Variants in PDE11A observed in about 807,000 individuals in gnomAD.
PDE11A encodes the protein phosphodiesterase 11A.
Under a neutral mutation model 100.5 loss-of-function variants are expected in PDE11A, and 100 were observed. The observed-to-expected ratio is 1.00, with a 90% CI of 0.85 to 1.18. The LOEUF (loss-of-function observed/expected upper bound fraction) is 1.18. Among genes scored for constraint, PDE11A ranks in the 50% most tolerant of loss-of-function variants. The pLI is 0.00. For missense variants in PDE11A, 1,141 were observed against 1,152.6 expected, an observed-to-expected ratio of 0.99 and a Z score of 0.15; for synonymous variants, 381 against 420.8, an observed-to-expected ratio of 0.91 and a Z score of 1.16.
chr2:177,934,136 T>C (rs554311745), intron 2 of PDE11A, among the ~76,000 whole-genome samples: 19 of 152,198 alleles, frequency 1.2e-4, no homozygotes, highest in African/African-American at 4.3e-4. Context: ...AATTGACAAA[T>C]GGGATCTTAT....
chr2:177,706,842 G>A (rs1273870828), intron 13 of PDE11A, among the ~76,000 whole-genome samples: 1 of 152,014 alleles, frequency 6.6e-6, no homozygotes, highest in Non-Finnish European at 1.5e-5. Flanking sequence ...TCATATGTGT[G>A]AATGTTGTTC....
At chr2:177,916,799 G>A (rs75468827) in intron 2 of PDE11A, among the ~76,000 whole-genome samples, 1,732 of 151,176 alleles carry the variant, frequency 0.011, 27 homozygotes, top group East Asian at 0.074. Context: ...TTGCTCTGTC[G>A]CCAGGGCTGG....
At chr2:178,009,636 T>C (rs1395554884) in intron 2 of PDE11A, among the ~76,000 whole-genome samples, 2 of 152,148 alleles carry the variant, frequency 1.3e-5, no homozygotes, top group Non-Finnish European at 2.9e-5. Context: ...GACTTGGTGA[T>C]TTTTCCAGTC....
intron 10 of PDE11A, among the ~76,000 whole-genome samples, chr2:177,767,111 C>G (rs1156533007): frequency 6.6e-6 from 1 of 152,080 alleles, no homozygotes; most frequent in Non-Finnish European, 1.5e-5. Flanking sequence ...GCAGGCAGAC[C>G]ACAAGGTCAG....
chr2:178,014,129 T>C (rs1227122782), intron 2 of PDE11A, among the ~76,000 whole-genome samples, 173 bp downstream of exon 2: 1 of 152,208 alleles, frequency 6.6e-6, no homozygotes, highest in Non-Finnish European at 1.5e-5. Context: ...TTTTACCACA[T>C]TCTATGAAAT....
intron 19 of PDE11A, among the ~76,000 whole-genome samples, chr2:177,644,768 C>T (rs113426743): frequency 0.018 from 2,794 of 152,266 alleles, 31 homozygotes; most frequent in South Asian, 0.03. Flanking sequence ...TCCCACATGT[C>T]GTAGGAGGAA....
intron 15 of PDE11A, chr2:177,687,818 C>A (rs1377814057): frequency 6.6e-6 from 1 of 152,142 alleles, no homozygotes. Flanking sequence ...CCTATTAATT[C>A]TCTCATTTTA....
In PDE11A at chr2:177,623,299, C is replaced by T. The variant is rs889006766; in HGVS notation, c.*6108G>A. The stretch of plus-strand genomic sequence containing the variant: ...ACAAAGATATTCAGGTCTCTTAAAG[C>T]GGGCTTCCAAAACTATGGATTAGTT... On this transcript the variant is annotated 3_prime_UTR_variant, in exon 20 of 20. Transcript: ENST00000286063. The T allele has an allele frequency of 1.3e-5, 2 of 152,166 alleles. No homozygotes were observed. Among genetic ancestry groups the T allele is most frequent in the East Asian group, 1.9e-4 (1 of 5,198 alleles). 9.4% of individuals were successfully genotyped at this position (152,166 alleles called of 1,614,324 possible).
intron 3 of PDE11A, among the ~76,000 whole-genome samples, chr2:177,899,991 T>A (rs1190267606): frequency 6.6e-6 from 1 of 152,036 alleles, no homozygotes; most frequent in Non-Finnish European, 1.5e-5. Context: ...ATTTAAAAAT[T>A]AAATTGTAGT....
intron 2 of PDE11A, among the ~76,000 whole-genome samples, chr2:177,929,502 C>A (rs1183063765): frequency 6.6e-6 from 1 of 152,096 alleles, no homozygotes; most frequent in Non-Finnish European, 1.5e-5. Flanking sequence ...TATTTTAAAG[C>A]CTGCTAGGAT....
intron 19 of PDE11A, among the ~76,000 whole-genome samples, chr2:177,641,285 CAG>C (rs1488798109): frequency 3.3e-5 from 5 of 152,206 alleles, no homozygotes; most frequent in African/African-American, 9.6e-5. Context: ...CAAAACAAAA[CAG>C]AAACAAAACC....
chr2:177,719,918 A>G (rs370380416), intron 12 of PDE11A, among the ~76,000 whole-genome samples: 1 of 152,190 alleles, frequency 6.6e-6, no homozygotes, highest in South Asian at 2.1e-4. Flanking sequence ...TGGCTGGTCC[A>G]GCTCTGCTGG....
At chr2:177,939,706 C>G (rs1019395638) in intron 2 of PDE11A, among the ~76,000 whole-genome samples, 3 of 152,150 alleles carry the variant, frequency 2.0e-5, no homozygotes, top group Non-Finnish European at 4.4e-5. Context: ...GGAAGCATTA[C>G]AGGGCAAATA....
intron 2 of PDE11A, among the ~76,000 whole-genome samples, chr2:177,916,107 T>C (rs569990797): frequency 6.6e-6 from 1 of 152,320 alleles, no homozygotes; most frequent in African/African-American, 2.4e-5. Flanking sequence ...TACACCCCTA[T>C]TTAATCTTTT....
chr2:177,914,422 T>C (rs1258845021), intron 2 of PDE11A, among the ~76,000 whole-genome samples: 3 of 152,158 alleles, frequency 2.0e-5, no homozygotes, highest in African/African-American at 7.2e-5. Context: ...AGTGTGAAGA[T>C]CTTTTACAAA....
intron 15 of PDE11A, among the ~76,000 whole-genome samples, chr2:177,690,018 T>A (rs1336187613): frequency 2.0e-5 from 3 of 152,154 alleles, no homozygotes; most frequent in Non-Finnish European, 4.4e-5. Flanking sequence ...CCGTGTCCTA[T>A]CTGCTTGTAC....
intron 1 of PDE11A, among the ~76,000 whole-genome samples, chr2:178,016,602 A>G (rs571759758): frequency 9.8e-4 from 149 of 152,278 alleles, no homozygotes; most frequent in Non-Finnish European, 1.5e-3. Flanking sequence ...AAAAAGCAAA[A>G]TGCGTGAGAG....
chr2:178,055,353 G>C (rs535710330), intron 1 of PDE11A, among the ~76,000 whole-genome samples: 62 of 151,472 alleles, frequency 4.1e-4, no homozygotes, highest in African/African-American at 1.4e-3. Flanking sequence ...GTCATGGGGT[G>C]GGGGGGAGGG....
intron 2 of PDE11A, among the ~76,000 whole-genome samples, chr2:177,983,554 C>A (rs1431946458): frequency 6.6e-6 from 1 of 152,142 alleles, no homozygotes; most frequent in Non-Finnish European, 1.5e-5. Context: ...ATAATCAAAA[C>A]CACACTCTAG....
Sources: allele counts gnomAD v4.1 joint callset (sites outside exome capture counted in the v4.1 genomes callset), GRCh38; gene constraint gnomAD v4.1.1; transcripts MANE v1.5; gene names NCBI Gene and HGNC (gene_info 2026-07-23, HGNC 2026-07-21).